The following BCL2L14 variants were observed in gnomAD, a reference collection of about 807,000 sequenced individuals.
BCL2L14 encodes the protein apoptosis facilitator Bcl-2-like protein 14.
A neutral mutation model predicts 35.3 loss-of-function variants in BCL2L14; 27 were observed. The ratio of observed to expected loss-of-function variants is 0.76; its 90% CI spans 0.56 to 1.05. BCL2L14 has a LOEUF of 1.05. Ranked by LOEUF, BCL2L14 falls within the 50% of genes least tolerant of loss-of-function variation. BCL2L14 has a pLI of 0.00. For missense variants in BCL2L14, 377 were observed against 382.6 expected (o/e 0.99, Z 0.12); for synonymous variants, 139 against 145.9 (o/e 0.95, Z 0.34).
At chr12:12,071,457 G>T (rs1032642856) in intron 1 of BCL2L14, 1 of 152,100 alleles carries the variant, frequency 6.6e-6, no homozygotes, top group African/African-American at 2.4e-5. Flanking sequence ...TATGTATCTG[G>T]GGAGGTATGC....
At position 12,070,957 on chromosome 12, in the gene BCL2L14, C is replaced by T. The variant is rs574241141; in HGVS notation, c.-188C>T. 6.6e-6 allele frequency: 1 copy of T among 152,236 alleles called. No individual in the cohort carries two copies. Among genetic ancestry groups the T allele is most frequent in the South Asian group, 2.1e-4 (1 of 4,828 alleles). 9.4% of individuals were successfully genotyped at this position (152,236 alleles called of 1,614,324 possible). A position where few individuals can be genotyped will look rare whatever the true frequency, so the allele number is the denominator to read the frequency against. ...TTTAAGCCTCTTTTCAGGCTGAGTC[C>T]TAAACCTGAAGAAAGTTTAGAGCCT... On this transcript the variant is annotated 5_prime_UTR_variant, in exon 1 of 6. Coordinates refer to ENST00000308721, the MANE Select transcript of BCL2L14 (RefSeq NM_138723.2).
intron 2 of BCL2L14, among the ~76,000 whole-genome samples, chr12:12,065,062 T>C (rs1473650642): frequency 6.6e-6 from 1 of 152,218 alleles, no homozygotes. Flanking sequence ...CTAGGTTTTT[T>C]GGCTGGGGCC....
intron 5 of BCL2L14, among the ~76,000 whole-genome samples, chr12:12,096,926 G>A (rs1235026891): frequency 2.6e-5 from 4 of 152,102 alleles, no homozygotes; most frequent in Non-Finnish European, 5.9e-5. Flanking sequence ...GGTGGATCAC[G>A]AGGTCAGGAG....
intron 1 of BCL2L14, among the ~76,000 whole-genome samples, chr12:12,077,188 G>A (rs865803312): frequency 7.9e-5 from 12 of 152,072 alleles, no homozygotes; most frequent in South Asian, 6.2e-4. Flanking sequence ...CTTACATGCC[G>A]AAAGACCGTC....
At chr12:12,060,946 C>T (rs1253208639) in intron 2 of BCL2L14, among the ~76,000 whole-genome samples, 2 of 56,370 alleles carry the variant, frequency 3.5e-5, no homozygotes, top group Non-Finnish European at 6.7e-5. Context: ...AAGCCCGTCC[C>T]CTTCTTAATC....
At chr12:12,080,281 A>G (rs1948887670) in intron 2 of BCL2L14, among the ~76,000 whole-genome samples, 1 of 151,922 alleles carries the variant, frequency 6.6e-6, no homozygotes. Flanking sequence ...CTGTCTATAA[A>G]TAAGCTTGTT....
chr12:12,091,096 T>C (rs901140299), intron 4 of BCL2L14, among the ~76,000 whole-genome samples: 4 of 152,242 alleles, frequency 2.6e-5, no homozygotes, highest in Admixed American at 1.3e-4. Flanking sequence ...AAAAAGAAAC[T>C]TGTTATTGCA....
intron 4 of BCL2L14, chr12:12,094,411 T>C (rs1949264272): frequency 9.1e-7 from 1 of 1,094,396 alleles, no homozygotes; most frequent in South Asian, 1.3e-5. Context: ...TCAGGAAATA[T>C]TTGTTAAATG....
chr12:12,094,545 C>T (rs369434316), intron 4 of BCL2L14, 119 bp from the exon 5 acceptor site: 18 of 1,614,126 alleles, frequency 1.1e-5, no homozygotes, highest in Non-Finnish European at 1.4e-5. Context: ...TTGGTTGACA[C>T]CAGCATCCAG....
intron 2 of BCL2L14, 106 bp downstream of exon 2, chr12:12,079,844 T>C (rs1352013403): frequency 8.7e-7 from 1 of 1,142,870 alleles, no homozygotes. Context: ...AGAGAAGGCA[T>C]GCGTTGTGCC....
intron 2 of BCL2L14, among the ~76,000 whole-genome samples, chr12:12,063,302 G>A (rs966585682): frequency 6.6e-6 from 1 of 151,188 alleles, no homozygotes; most frequent in African/African-American, 2.4e-5. Flanking sequence ...TTTGCTGGCA[G>A]GACTATGCTG....
At chr12:12,070,288 C>A (rs770142023), upstream of BCL2L14, among the ~76,000 whole-genome samples, 4 of 152,212 alleles carry the variant, frequency 2.6e-5, no homozygotes, top group Non-Finnish European at 5.9e-5. Context: ...TGGATCTCAG[C>A]TCAACTGATA....
chr12:12,098,846 G>A, intron 5 of BCL2L14, 104 bp from the exon 6 acceptor site: 2 of 826,504 alleles, frequency 2.4e-6, no homozygotes, highest in Non-Finnish European at 4.2e-6. Context: ...ATGGTCTCCT[G>A]AGCCTCGGGT....
At chr12:12,096,052 C>A in intron 5 of BCL2L14, 1 of 985,328 alleles carries the variant, frequency 1.0e-6, no homozygotes, top group Non-Finnish European at 1.2e-6. Context: ...ACCCCAACAA[C>A]CCCCTTGAGC....
chr12:12,090,630 T>C, intron 3 of BCL2L14, 149 bp from the exon 4 acceptor site: 1 of 555,398 alleles, frequency 1.8e-6, no homozygotes, highest in Non-Finnish European at 3.1e-6. Flanking sequence ...CAAAACTCTG[T>C]CTAAAAAATA....
chr12:12,098,314 T>C (rs1292269355), intron 5 of BCL2L14, among the ~76,000 whole-genome samples: 6 of 152,182 alleles, frequency 3.9e-5, no homozygotes, highest in Non-Finnish European at 5.9e-5. Flanking sequence ...ATCTCAGTAT[T>C]CCACATTTCA....
intron 3 of BCL2L14, 140 bp from the exon 4 acceptor site, chr12:12,090,639 T>TAAAAAA (rs1263200788): frequency 1.8e-6 from 1 of 544,484 alleles, no homozygotes. Context: ...GTCTAAAAAA[T>TAAAAAA]AAAAAATAAA....
chr12:12,087,444 G>A (rs1310332415), intron 3 of BCL2L14, 58 bp downstream of exon 3: 2 of 1,571,464 alleles, frequency 1.3e-6, no homozygotes, highest in Non-Finnish European at 1.7e-6. Flanking sequence ...GAGCATTTGT[G>A]TATTTATCCA....
intron 2 of BCL2L14, among the ~76,000 whole-genome samples, chr12:12,060,099 G>A (rs1243330350): frequency 4.0e-5 from 6 of 151,262 alleles, no homozygotes; most frequent in Non-Finnish European, 8.8e-5. Flanking sequence ...GGCCGAGCTA[G>A]GTCGCAATTC....
Sources: gnomAD v4.1 joint callset for allele counts (sites outside exome capture counted in the v4.1 genomes callset) on GRCh38, gnomAD v4.1.1 for gene constraint, MANE v1.5 for transcripts, NCBI Gene and HGNC (gene_info 2026-07-23, HGNC 2026-07-21) for gene names.